The following NRXN3 variants were observed in gnomAD, a reference collection of about 807,000 sequenced individuals.
NRXN3 encodes neurexin III.
NRXN3 carries 32 observed loss-of-function variants against 137.6 expected under a neutral mutation model. That is an observed-to-expected ratio of 0.23 (90% CI 0.18 to 0.31). The LOEUF is 0.31. NRXN3 is among the 10% of genes least tolerant of loss of function. The pLI, the probability that NRXN3 is intolerant of heterozygous loss-of-function variation, is 1.00. For missense variants in NRXN3, 1,574 were observed against 2,062.5 expected (o/e 0.76, Z 4.59); for synonymous variants, 798 against 784.5 (o/e 1.02, Z -0.29).
intron 6 of NRXN3, chr14:78,695,527 A>C (rs1473171192): frequency 5.3e-5 from 8 of 152,078 alleles, no homozygotes; most frequent in Non-Finnish European, 1.0e-4. Context: ...GCCTAATGCC[A>C]CTGAACAGAT....
chr14:78,508,167 GA>G (rs2096031290), intron 4 of NRXN3, among the ~76,000 whole-genome samples: 1 of 152,204 alleles, frequency 6.6e-6, no homozygotes, highest in South Asian at 2.1e-4. Context: ...TGAAAAGAGA[GA>G]AACCAGAAGG....
chr14:79,671,918 T>A (rs1476645620), intron 17 of NRXN3, among the ~76,000 whole-genome samples: 1 of 151,864 alleles, frequency 6.6e-6, no homozygotes, highest in African/African-American at 2.4e-5. Flanking sequence ...TGGGAACACA[T>A]GGACACAGGG....
chr14:79,155,988 C>T (rs1326226065), intron 15 of NRXN3, among the ~76,000 whole-genome samples: 1 of 151,734 alleles, frequency 6.6e-6, no homozygotes, highest in Non-Finnish European at 1.5e-5. Flanking sequence ...GAAGTTATAT[C>T]TTTTACATTT....
intron 19 of NRXN3, among the ~76,000 whole-genome samples, chr14:79,734,530 A>C (rs2098935273): frequency 1.3e-5 from 2 of 152,350 alleles, no homozygotes; most frequent in East Asian, 3.9e-4. Context: ...TACAATAAAA[A>C]ATAGTTTCAA....
chr14:79,637,125 AT>A (rs1310962741), intron 16 of NRXN3, among the ~76,000 whole-genome samples: 3 of 152,168 alleles, frequency 2.0e-5, no homozygotes, highest in African/African-American at 7.2e-5. Context: ...AAGCTGCGTG[AT>A]TTGGGGCAAA....
chr14:79,830,871 TG>T (rs11308238), intron 20 of NRXN3, among the ~76,000 whole-genome samples: 91,134 of 151,824 alleles, frequency 0.6, 27,789 homozygotes, highest in African/African-American at 0.72. Flanking sequence ...TGCAAGGCTC[TG>T]TTAATAGCTG....
intron 20 of NRXN3, among the ~76,000 whole-genome samples, chr14:79,832,991 T>G (rs1277540391): frequency 2.6e-5 from 4 of 152,130 alleles, no homozygotes; most frequent in Non-Finnish European, 5.9e-5. Flanking sequence ...CAATGAAAAG[T>G]TATTAAGTAG....
intron 15 of NRXN3, among the ~76,000 whole-genome samples, chr14:79,345,462 G>A (rs1390464624): frequency 6.6e-6 from 1 of 152,108 alleles, no homozygotes; most frequent in Non-Finnish European, 1.5e-5. Flanking sequence ...TTATGATGAG[G>A]TTTTGAGAAA....
chr14:78,248,324 A>G, intron 2 of NRXN3, among the ~76,000 whole-genome samples: 2 of 21,952 alleles, frequency 9.1e-5, no homozygotes, highest in African/African-American at 1.8e-4. Context: ...CCCACCCGCC[A>G]CCTCCTGTTG....
chr14:78,921,928 A>C (rs1202530272), intron 10 of NRXN3, among the ~76,000 whole-genome samples: 1 of 152,208 alleles, frequency 6.6e-6, no homozygotes, highest in African/African-American at 2.4e-5. Context: ...CACTTCCCTA[A>C]AATAATCCTT....
chr14:78,645,041 T>C lies in NRXN3; in HGVS notation c.758-79T>C, dbSNP rs2097673224. 5.5e-6 allele frequency: 7 copies of C among 1,264,064 alleles called. No homozygotes were observed. In the South Asian group the frequency reaches 1.1e-4, roughly 19 times the overall value. 78.3% of individuals were successfully genotyped at this position (1,264,064 alleles called of 1,614,324 possible). A position where few individuals can be genotyped will look rare whatever the true frequency, so the allele number is the denominator to read the frequency against. On this transcript the variant is annotated intron_variant, in intron 4 of 20. Transcript: ENST00000335750. ...CAAGAACGGGGCAGTGCCCCTGCGG[T>C]GTGTTCTCTTTGGTATTTGCATAGG...
intron 10 of NRXN3, among the ~76,000 whole-genome samples, chr14:78,911,247 G>A (rs2099236717): frequency 6.6e-6 from 1 of 152,170 alleles, no homozygotes; most frequent in African/African-American, 2.4e-5. Context: ...ATTGGGCAAA[G>A]TCCCACAGCT....
chr14:79,544,976 C>G (rs989106075), intron 16 of NRXN3, among the ~76,000 whole-genome samples: 1 of 152,176 alleles, frequency 6.6e-6, no homozygotes, highest in Admixed American at 6.5e-5. Context: ...TGTTCATAGT[C>G]TCTTCTACAA....
chr14:78,584,680 A>G (rs2097042411), intron 4 of NRXN3, among the ~76,000 whole-genome samples: 1 of 152,190 alleles, frequency 6.6e-6, no homozygotes, highest in South Asian at 2.1e-4. Context: ...TACAAAAATA[A>G]CTTTGTAACA....
intron 19 of NRXN3, among the ~76,000 whole-genome samples, chr14:79,772,447 G>T (rs370022498): frequency 2.0e-5 from 3 of 150,478 alleles, no homozygotes; most frequent in East Asian, 3.9e-4. Context: ...CAATGGAACA[G>T]AACAGAGCCC....
At chr14:78,605,737 A>G (rs1002630511) in intron 4 of NRXN3, among the ~76,000 whole-genome samples, 1 of 152,214 alleles carries the variant, frequency 6.6e-6, no homozygotes, top group South Asian at 2.1e-4. Context: ...AACAAAAAGA[A>G]GAATCACATT....
chr14:79,860,418 G>A (rs1289012074), intron 20 of NRXN3, among the ~76,000 whole-genome samples: 2 of 152,190 alleles, frequency 1.3e-5, no homozygotes, highest in Admixed American at 1.3e-4. Flanking sequence ...AAATGGATTT[G>A]TTAGATGAAT....
chr14:79,277,021 A>C (rs2080391868), intron 15 of NRXN3, among the ~76,000 whole-genome samples: 1 of 152,218 alleles, frequency 6.6e-6, no homozygotes, highest in Non-Finnish European at 1.5e-5. Flanking sequence ...AAGTATACAG[A>C]TAAAATAATT....
chr14:79,734,819 A>G (rs959203687), intron 19 of NRXN3, among the ~76,000 whole-genome samples: 1 of 152,184 alleles, frequency 6.6e-6, no homozygotes, highest in Admixed American at 6.6e-5. Flanking sequence ...TTATTCTGGA[A>G]TTCAATTATA....
Sources: allele counts gnomAD v4.1 joint callset (sites outside exome capture counted in the v4.1 genomes callset), GRCh38; gene constraint gnomAD v4.1.1; transcripts MANE v1.5; gene names NCBI Gene and HGNC (gene_info 2026-07-23, HGNC 2026-07-21).